ASTN2: variants seen among roughly 807,000 people sequenced by gnomAD.
ASTN2 encodes the protein astrotactin-2.
Under a neutral mutation model 139.8 loss-of-function variants are expected in ASTN2, and 54 were observed. The observed-to-expected ratio is 0.39, with a 90% CI of 0.31 to 0.48. The LOEUF (loss-of-function observed/expected upper bound fraction) is 0.48, where lower values mean the gene tolerates loss of function less well. Ranked by LOEUF, ASTN2 falls within the 20% of genes least tolerant of loss-of-function variation. The probability of loss-of-function intolerance (pLI) is 0.95; values close to 1 mark genes in which losing one functional copy is unlikely to be tolerated. For synonymous variants in ASTN2, 756 were observed against 719.5 expected (o/e 1.05, Z -0.81); for missense variants, 1,565 against 1,725.1 (o/e 0.91, Z 1.64).
At chr9:116,927,639 C>T (rs1446453635) in intron 10 of ASTN2, among the ~76,000 whole-genome samples, 1 of 152,170 alleles carries the variant, frequency 6.6e-6, no homozygotes, top group African/African-American at 2.4e-5. Flanking sequence ...TTGACACTTG[C>T]GGACTCCCAA....
chr9:117,041,699 C>T (rs904723917), intron 5 of ASTN2, among the ~76,000 whole-genome samples: 8 of 152,300 alleles, frequency 5.3e-5, no homozygotes, highest in African/African-American at 1.7e-4. Context: ...CATCCAAGGC[C>T]TTTCATGAAG....
chr9:116,738,923 G>A (rs1318878639), intron 13 of ASTN2, among the ~76,000 whole-genome samples: 2 of 152,196 alleles, frequency 1.3e-5, no homozygotes, highest in Non-Finnish European at 2.9e-5. Flanking sequence ...CACCACCACA[G>A]TGGAGTCTGC....
At chr9:117,125,827 GGC>G (rs1476228077) in intron 4 of ASTN2, among the ~76,000 whole-genome samples, 1,636 of 146,984 alleles carry the variant, frequency 0.011, 36 homozygotes, top group African/African-American at 0.039. Context: ...ATTTCATTGC[GGC>G]GGGGGGGGGA....
At chr9:117,098,644 C>T (rs1828895871) in intron 4 of ASTN2, among the ~76,000 whole-genome samples, 1 of 152,020 alleles carries the variant, frequency 6.6e-6, no homozygotes, top group Non-Finnish European at 1.5e-5. Flanking sequence ...CTGCCAGATG[C>T]AGTTCTCCAT....
chr9:116,881,932 G>A (rs563011557), intron 10 of ASTN2, among the ~76,000 whole-genome samples: 2 of 126,004 alleles, frequency 1.6e-5, no homozygotes, highest in African/African-American at 5.1e-5. Context: ...CTTAATGAAT[G>A]GAGTTTTTAT....
chr9:116,981,301 T>C (rs932683654), intron 7 of ASTN2, among the ~76,000 whole-genome samples: 2 of 152,218 alleles, frequency 1.3e-5, no homozygotes, highest in Non-Finnish European at 2.9e-5. Flanking sequence ...TTCATACATA[T>C]ATCATGATTA....
At chr9:117,287,384 A>T (rs190318487) in intron 2 of ASTN2, among the ~76,000 whole-genome samples, 1 of 152,346 alleles carries the variant, frequency 6.6e-6, no homozygotes, top group East Asian at 1.9e-4. Context: ...GAATTCACTC[A>T]TGAAATCTTA....
At position 117,036,042 on chromosome 9, in the gene ASTN2, ACT is replaced by A. The variant is rs548485135; in HGVS notation, c.1423+3775_1423+3776del. The stretch of plus-strand genomic sequence containing the variant: ...GTTGGGCTATCACAATGTTTTAGAC[ACT>A]CTACTAGGCACTTTATACACATTAT... On this transcript the variant is annotated intron_variant, in intron 6 of 22. Coordinates refer to ENST00000313400, the MANE Select transcript of ASTN2 (RefSeq NM_001365068.1). Among the ~76,000 whole-genome samples the A allele has an allele frequency of 5.6e-4, 86 of 152,280 alleles. 1 individual carries two copies. Among genetic ancestry groups the A allele is most frequent in the Middle Eastern group, 3.4e-3 (1 of 294 alleles).
intron 5 of ASTN2, among the ~76,000 whole-genome samples, chr9:117,076,887 C>T (rs1828295138): frequency 1.3e-5 from 2 of 152,110 alleles, no homozygotes; most frequent in Middle Eastern, 3.4e-3. Flanking sequence ...CTTCTTTTTT[C>T]CCCTTTGATT....
At chr9:117,093,598 G>A (rs1402449922) in intron 5 of ASTN2, among the ~76,000 whole-genome samples, 2 of 152,052 alleles carry the variant, frequency 1.3e-5, no homozygotes, top group African/African-American at 4.8e-5. Flanking sequence ...AGTGAATGCT[G>A]AAGGCACCCT....
At chr9:116,803,491 TATATATATATATATATATATATATATATA>T (rs1377374983) in intron 13 of ASTN2, among the ~76,000 whole-genome samples, 1 of 8,708 alleles carries the variant, frequency 1.1e-4, no homozygotes, top group Non-Finnish European at 2.4e-4. Flanking sequence ...AATATATATA[TATATATATATATATATATATATATATATA>T]TATTTTTTTT....
At chr9:117,203,414 C>T (rs573593857) in intron 3 of ASTN2, among the ~76,000 whole-genome samples, 7 of 152,148 alleles carry the variant, frequency 4.6e-5, no homozygotes, top group Admixed American at 1.3e-4. Flanking sequence ...GGAGAAGAGG[C>T]GCTCTGCTCT....
intron 13 of ASTN2, 85 bp from the exon 14 acceptor site, chr9:116,733,608 C>T: frequency 6.4e-7 from 1 of 1,562,830 alleles, no homozygotes; most frequent in Non-Finnish European, 8.8e-7. Context: ...ATGCTGTAGT[C>T]AGAATAAAGA....
At chr9:116,554,128 G>T (rs1587991032) in intron 19 of ASTN2, among the ~76,000 whole-genome samples, 1 of 152,292 alleles carries the variant, frequency 6.6e-6, no homozygotes. Context: ...TAACTCTCAT[G>T]TCCTTCTTAT....
intron 1 of ASTN2, among the ~76,000 whole-genome samples, chr9:117,381,808 G>A (rs1205879898): frequency 2.0e-5 from 3 of 152,134 alleles, no homozygotes; most frequent in African/African-American, 7.2e-5. Context: ...TTAATAGGGT[G>A]AATTTTATGG....
At chr9:116,633,511 A>G (rs370831632) in intron 17 of ASTN2, among the ~76,000 whole-genome samples, 3 of 152,242 alleles carry the variant, frequency 2.0e-5, no homozygotes, top group East Asian at 3.9e-4. Flanking sequence ...ATAGATAGAA[A>G]CTCGTCTTTC....
At chr9:116,822,057 G>T (rs754855739) in intron 11 of ASTN2, among the ~76,000 whole-genome samples, 1 of 151,778 alleles carries the variant, frequency 6.6e-6, no homozygotes, top group Non-Finnish European at 1.5e-5. Flanking sequence ...TCCATCACCG[G>T]ACATCACTGA....
At chr9:116,877,280 G>A (rs1170554091) in intron 10 of ASTN2, among the ~76,000 whole-genome samples, 1 of 151,400 alleles carries the variant, frequency 6.6e-6, no homozygotes, top group Non-Finnish European at 1.5e-5. Context: ...AGAAGTAAAT[G>A]TGCCTTGCTG....
chr9:117,039,757 T>C, intron 6 of ASTN2, 62 bp downstream of exon 6: 2 of 1,530,314 alleles, frequency 1.3e-6, no homozygotes, highest in Non-Finnish European at 1.8e-6. Flanking sequence ...CAGAAACCTT[T>C]GACCAGTCAG....
Sources: gnomAD v4.1 joint callset for allele counts (sites outside exome capture counted in the v4.1 genomes callset) on GRCh38, gnomAD v4.1.1 for gene constraint, MANE v1.5 for transcripts, NCBI Gene and HGNC (gene_info 2026-07-23, HGNC 2026-07-21) for gene names.